SPON2: variants seen among roughly 807,000 people sequenced by gnomAD.
The protein encoded by SPON2 is spondin-2.
Under a neutral mutation model 29.9 loss-of-function variants are expected in SPON2, and 32 were observed. The ratio of observed to expected loss-of-function variants is 1.07; its 90% CI spans 0.81 to 1.44. The LOEUF (loss-of-function observed/expected upper bound fraction) is 1.44. Among genes scored for constraint, SPON2 ranks in the 40% most tolerant of loss-of-function variants. The pLI is 0.00. For synonymous variants in SPON2, 248 were observed against 209.1 expected (o/e 1.19, Z -1.61); for missense variants, 541 against 455.5 (o/e 1.19, Z -1.71).
chr4:1,176,437 A>G (rs1386071783), upstream of SPON2, among the ~76,000 whole-genome samples: 2 of 150,518 alleles, frequency 1.3e-5, no homozygotes, highest in Non-Finnish European at 1.5e-5. Context: ...CAAATAGTAC[A>G]TTCATTCATT....
chr4:1,199,646 T>G (rs993932825), upstream of SPON2: 12 of 152,272 alleles, frequency 7.9e-5, no homozygotes, highest in African/African-American at 2.7e-4. This position sits in a 1 kb window ranked among gnomAD's most constrained non-coding sequence, Gnocchi z 4.5. Context: ...TGGCTGAGAA[T>G]AGCTGGGTGT....
chr4:1,169,692 C>G (rs945909745), intron 5 of SPON2: 4 of 152,334 alleles, frequency 2.6e-5, no homozygotes, highest in African/African-American at 9.6e-5. Context: ...GCTCCAGTTC[C>G]TCCTCGGGAA....
intron 1 of SPON2, chr4:1,201,184 G>GC: frequency 2.2e-6 from 1 of 450,502 alleles, no homozygotes; most frequent in African/African-American, 2.0e-5. Context: ...AGTTCCTCCA[G>GC]CCCCTCCCCC....
intron 5 of SPON2, among the ~76,000 whole-genome samples, chr4:1,168,916 T>G (rs899747103): frequency 1.3e-5 from 2 of 152,304 alleles, no homozygotes; most frequent in Admixed American, 1.3e-4. Context: ...TCCCAGCCTC[T>G]GCCCTCGGGA....
At chr4:1,207,194 G>A (rs527372212) in intron 1 of SPON2, among the ~76,000 whole-genome samples, 162 of 152,080 alleles carry the variant, frequency 1.1e-3, no homozygotes, top group Middle Eastern at 6.8e-3. Flanking sequence ...AGGCAGCCGG[G>A]CCCCGCCAGG....
At chr4:1,206,491 C>T (rs1050091508) in intron 1 of SPON2, among the ~76,000 whole-genome samples, 6 of 152,220 alleles carry the variant, frequency 3.9e-5, no homozygotes, top group African/African-American at 1.2e-4. Context: ...CTGGAGGGCC[C>T]GGGGCAGGGA....
At position 1,200,323 on chromosome 4, in the gene SPON2, C is replaced by T. The variant is rs113873842; in HGVS notation, c.-234+7557G>A. On this transcript the variant is annotated intron_variant, in intron 1 of 3. Transcript: ENST00000509233. ...TTGAGAAGGCGTCCAGCCTGCAGAA[C>T]GGAGTCCAGGACCCAGAGAAGCTTC... 1.5e-3 allele frequency among the ~76,000 whole-genome samples: 225 copies of T among 148,576 alleles called. 1 individual carries two copies. The highest frequency in any genetic ancestry group is 5.2e-3 in the African/African-American group (212 of 40,950).
upstream of SPON2, among the ~76,000 whole-genome samples, chr4:1,177,985 A>G (rs1410130639): frequency 6.6e-6 from 1 of 152,238 alleles, no homozygotes; most frequent in Non-Finnish European, 1.5e-5. Context: ...ACCCAGACAC[A>G]TCACACTTGC....
At chr4:1,186,351 T>TG (rs1727806634) in intron 1 of SPON2, among the ~76,000 whole-genome samples, 1 of 150,472 alleles carries the variant, frequency 6.6e-6, no homozygotes, top group African/African-American at 2.4e-5. Context: ...TCACCCAGGC[T>TG]GGGGTGCAGT....
At chr4:1,172,867 C>G, upstream of SPON2, 3 of 117,180 alleles carry the variant, frequency 2.6e-5, no homozygotes, top group African/African-American at 1.0e-4. Context: ...CCCCTCCCCT[C>G]CCTGTCCCCT....
At chr4:1,186,405 G>T (rs1033366198) in intron 1 of SPON2, among the ~76,000 whole-genome samples, 1 of 151,828 alleles carries the variant, frequency 6.6e-6, no homozygotes, top group African/African-American at 2.4e-5. Flanking sequence ...TCGGGTTCCA[G>T]CAATTCTCCT....
chr4:1,171,576 G>T, intron 2 of SPON2, 90 bp from the exon 3 acceptor site: 1 of 1,319,944 alleles, frequency 7.6e-7, no homozygotes, highest in Non-Finnish European at 1.0e-6. Flanking sequence ...ATCCCTCCCC[G>T]CCGCCCGCAG....
chr4:1,188,047 A>C (rs1454522032), intron 1 of SPON2, among the ~76,000 whole-genome samples: 2 of 150,922 alleles, frequency 1.3e-5, no homozygotes, highest in Non-Finnish European at 3.0e-5. Context: ...ACTAAAAAAT[A>C]CAAAAAAAAA....
At chr4:1,187,452 T>C (rs1727827147) in intron 1 of SPON2, among the ~76,000 whole-genome samples, 1 of 152,206 alleles carries the variant, frequency 6.6e-6, no homozygotes, top group South Asian at 2.1e-4. Context: ...GGGGTGACGT[T>C]TATACATGAT....
chr4:1,182,236 A>C (rs1727712855), intron 1 of SPON2, among the ~76,000 whole-genome samples: 1 of 152,214 alleles, frequency 6.6e-6, no homozygotes, highest in Admixed American at 6.5e-5. Context: ...AAAAAAAGTC[A>C]ATAGAAACTG....
rs193114328 is a variant in SPON2 at position 1,171,343 on chromosome 4, C to A, written c.364G>T (p.Ala122Ser). The A allele has an allele frequency of 6.2e-7, 1 of 1,608,696 alleles. No homozygotes were observed. Among genetic ancestry groups the A allele is most frequent in the Non-Finnish European group, 8.5e-7 (1 of 1,179,262 alleles). ...AAGEALQSVH[A>S]VFSAPAVPSG... is the part of the protein sequence containing the mutation. ...GGGACGGCGGGCGCCGAAAACACCG[C>A]GTGCACGCTCTGCAGCGCCTCCCCC... Residue 122 changes from alanine (A) to serine (S), a missense_variant, in exon 3 of 6, where the codon GCG (alanine) becomes TCG (serine). Coordinates refer to ENST00000290902, the MANE Select transcript of SPON2 (RefSeq NM_012445.4).
At chr4:1,196,408 C>G (rs1728071220), upstream of SPON2, among the ~76,000 whole-genome samples, 1 of 152,216 alleles carries the variant, frequency 6.6e-6, no homozygotes, top group Admixed American at 6.5e-5. Flanking sequence ...ACCGTGGAAG[C>G]AGCTGCGGGA....
chr4:1,167,729 C>A, intron 5 of SPON2, 73 bp from the exon 6 acceptor site: 1 of 1,479,528 alleles, frequency 6.8e-7, no homozygotes, highest in African/African-American at 1.4e-5. Flanking sequence ...GAAGCCACCT[C>A]CCACCAACGT....
At chr4:1,205,728 C>A (rs1351187132) in intron 1 of SPON2, among the ~76,000 whole-genome samples, 2 of 152,160 alleles carry the variant, frequency 1.3e-5, no homozygotes, top group Non-Finnish European at 2.9e-5. Flanking sequence ...GGCCTCCAGG[C>A]CCGCCCAGGC....
Sources: allele counts gnomAD v4.1 joint callset (sites outside exome capture counted in the v4.1 genomes callset), GRCh38; gene constraint gnomAD v4.1.1; non-coding constraint Gnocchi (gnomAD v3.1); transcripts MANE v1.5; gene names NCBI Gene and HGNC (gene_info 2026-07-23, HGNC 2026-07-21).